Variants in CTNND2 observed in about 807,000 individuals in gnomAD.
CTNND2 encodes catenin delta-2.
In CTNND2, 22 loss-of-function variants were observed where a neutral mutation model predicts 144.4. The observed-to-expected ratio is 0.15, with a 90% confidence interval of 0.11 to 0.22. The LOEUF (loss-of-function observed/expected upper bound fraction) is 0.22, where lower values mean the gene tolerates loss of function less well. Among genes scored for constraint, CTNND2 ranks in the 10% least tolerant of loss-of-function variants. The pLI, the probability that CTNND2 is intolerant of heterozygous loss-of-function variation, is 1.00. For missense variants in CTNND2, 1,353 were observed against 1,618.8 expected (o/e 0.84, Z 2.82); for synonymous variants, 751 against 695.6 (o/e 1.08, Z -1.25).
chr5:11,147,818 A>C (rs1039483735), intron 12 of CTNND2, among the ~76,000 whole-genome samples: 1 of 152,252 alleles, frequency 6.6e-6, no homozygotes, highest in Non-Finnish European at 1.5e-5. Flanking sequence ...AAAGTGATAC[A>C]GAGTTACCAT....
At chr5:11,559,085 C>A (rs879510514) in intron 3 of CTNND2, among the ~76,000 whole-genome samples, 19 of 152,094 alleles carry the variant, frequency 1.2e-4, no homozygotes, top group Non-Finnish European at 2.6e-4. Context: ...AACATTTTTC[C>A]TATATTTTCA....
At chr5:11,417,199 C>T (rs959877935) in intron 3 of CTNND2, among the ~76,000 whole-genome samples, 9 of 152,226 alleles carry the variant, frequency 5.9e-5, no homozygotes, top group African/African-American at 1.7e-4. Flanking sequence ...AAAGATGCCA[C>T]GGAAGTTGCT....
At chr5:11,892,080 A>G (rs1020022213) in intron 1 of CTNND2, among the ~76,000 whole-genome samples, 9 of 152,240 alleles carry the variant, frequency 5.9e-5, no homozygotes, top group Admixed American at 1.3e-4. Context: ...AATATTCTCT[A>G]TAACATCACA....
intron 2 of CTNND2, among the ~76,000 whole-genome samples, chr5:11,597,204 C>G (rs987021244): frequency 1.3e-5 from 2 of 152,166 alleles, no homozygotes; most frequent in African/African-American, 2.4e-5. Context: ...GAATATACCT[C>G]TATTTCCGAA....
At chr5:11,052,174 T>C (rs934324599) in intron 16 of CTNND2, among the ~76,000 whole-genome samples, 2 of 152,206 alleles carry the variant, frequency 1.3e-5, no homozygotes, top group African/African-American at 4.8e-5. Context: ...AGATCATTGA[T>C]GGTTTTGTAC....
chr5:11,670,756 G>C (rs1783838509), intron 2 of CTNND2, among the ~76,000 whole-genome samples: 1 of 151,908 alleles, frequency 6.6e-6, no homozygotes, highest in African/African-American at 2.4e-5. Flanking sequence ...TTTAAATTGG[G>C]GGCATTTATC....
At chr5:11,120,995 G>A (rs769519619) in intron 12 of CTNND2, among the ~76,000 whole-genome samples, 24 of 152,130 alleles carry the variant, frequency 1.6e-4, no homozygotes, top group Non-Finnish European at 2.8e-4. Context: ...ACAGACACAA[G>A]TTCTACTCTT....
At chr5:11,400,387 G>A (rs1299047283) in intron 5 of CTNND2, among the ~76,000 whole-genome samples, 3 of 152,174 alleles carry the variant, frequency 2.0e-5, no homozygotes, top group Non-Finnish European at 4.4e-5. Flanking sequence ...GAGAGCAGAA[G>A]CCATGGTCTC....
intron 6 of CTNND2, among the ~76,000 whole-genome samples, chr5:11,391,321 T>G (rs1385567357): frequency 6.6e-6 from 1 of 152,060 alleles, no homozygotes; most frequent in African/African-American, 2.4e-5. Flanking sequence ...CTAGTTTAAG[T>G]TTGTCTAGAG....
chr5:11,172,995 T>G (rs1425446741), intron 11 of CTNND2, among the ~76,000 whole-genome samples: 1 of 152,222 alleles, frequency 6.6e-6, no homozygotes, highest in Admixed American at 6.5e-5. Context: ...TTTTGTTTTT[T>G]AGTGTCTGGA....
At chr5:11,107,824 G>A (rs1019225570) in intron 14 of CTNND2, among the ~76,000 whole-genome samples, 1 of 150,556 alleles carries the variant, frequency 6.6e-6, no homozygotes, top group African/African-American at 2.4e-5. Context: ...AGCCCTTGGG[G>A]CAAAGTCTCA....
At chr5:11,706,045 T>G (rs1334033758) in intron 2 of CTNND2, among the ~76,000 whole-genome samples, 1 of 152,198 alleles carries the variant, frequency 6.6e-6, no homozygotes, top group Non-Finnish European at 1.5e-5. Flanking sequence ...GAACTGAAAG[T>G]AGCTTCCAGC....
intron 1 of CTNND2, among the ~76,000 whole-genome samples, chr5:11,836,458 T>C (rs931105965): frequency 6.6e-6 from 1 of 152,016 alleles, no homozygotes; most frequent in Non-Finnish European, 1.5e-5. Context: ...TCCACTTTCA[T>C]GACACTATGG....
chr5:11,863,957 TACA>T (rs1411580983), intron 1 of CTNND2, among the ~76,000 whole-genome samples: 3 of 152,162 alleles, frequency 2.0e-5, no homozygotes, highest in Admixed American at 6.5e-5. Context: ...TTATTTAGGG[TACA>T]TCTAAAGCAG....
At chr5:10,997,497 CAGGAGAA>C (rs946580393) in intron 18 of CTNND2, among the ~76,000 whole-genome samples, 55 of 151,458 alleles carry the variant, frequency 3.6e-4, no homozygotes, top group African/African-American at 1.3e-3. Flanking sequence ...GAGGCTGAGG[CAGGAGAA>C]TCACTTGAAG....
chr5:11,463,142 A>G (rs747172602), intron 3 of CTNND2, among the ~76,000 whole-genome samples: 3 of 152,208 alleles, frequency 2.0e-5, no homozygotes, highest in Non-Finnish European at 2.9e-5. Flanking sequence ...GCTAACTTAG[A>G]AAATATATTC....
At chr5:10,983,805 G>A (rs902191885) in intron 20 of CTNND2, among the ~76,000 whole-genome samples, 3 of 152,062 alleles carry the variant, frequency 2.0e-5, no homozygotes, top group Non-Finnish European at 4.4e-5. Flanking sequence ...ATGCTCCAAT[G>A]CCCTTCACCC....
chr5:11,200,490 G>A (rs756883623), intron 10 of CTNND2, among the ~76,000 whole-genome samples: 10 of 152,138 alleles, frequency 6.6e-5, no homozygotes, highest in Non-Finnish European at 1.3e-4. Context: ...GCATGTATAT[G>A]GACAAAGAGC....
At chr5:11,238,085 T>C (rs1741832584) in intron 9 of CTNND2, among the ~76,000 whole-genome samples, 2 of 152,222 alleles carry the variant, frequency 1.3e-5, no homozygotes, top group Non-Finnish European at 2.9e-5. Flanking sequence ...TTTAAGTCCA[T>C]TCTAAAACAT....
Sources: allele counts gnomAD v4.1 joint callset (sites outside exome capture counted in the v4.1 genomes callset), GRCh38; gene constraint gnomAD v4.1.1; transcripts MANE v1.5; gene names NCBI Gene and HGNC (gene_info 2026-07-23, HGNC 2026-07-21).